Variants in MAF observed in about 807,000 individuals in gnomAD.
MAF encodes the protein MAF bZIP transcription factor.
In MAF, 10 loss-of-function variants were observed where a neutral mutation model predicts 22.0. The ratio of observed to expected loss-of-function variants is 0.45; its 90% CI spans 0.28 to 0.77. The LOEUF is 0.77. Ranked by LOEUF, MAF falls within the 30% of genes least tolerant of loss-of-function variation. MAF has a pLI of 0.12. For missense variants in MAF, 544 were observed against 548.4 expected, an observed-to-expected ratio of 0.99 and a Z score of 0.08; for synonymous variants, 337 against 255.8, an observed-to-expected ratio of 1.32 and a Z score of -3.03.
At chr16:79,265,048 A>C in the MAF span, among the ~76,000 whole-genome samples, 1 of 152,160 alleles carries the variant, frequency 6.6e-6, no homozygotes, top group African/African-American at 2.4e-5. Context: ...AACTAATTTT[A>C]AGTCAAGTAA....
At chr16:79,509,275 C>T in the MAF span, among the ~76,000 whole-genome samples, 3,265 of 152,284 alleles carry the variant, frequency 0.021, 45 homozygotes, top group Middle Eastern at 0.034. Context: ...GTGAACCATG[C>T]TGGTCTCTAA....
chr16:79,481,607 T>TCCATTCAC, the MAF span, among the ~76,000 whole-genome samples: 2 of 152,024 alleles, frequency 1.3e-5, no homozygotes, highest in South Asian at 4.1e-4. Flanking sequence ...AACCCAGGTA[T>TCCATTCAC]CCATTCACCC....
the MAF span, among the ~76,000 whole-genome samples, chr16:79,209,758 C>T: frequency 6.6e-6 from 1 of 152,210 alleles, no homozygotes; most frequent in Non-Finnish European, 1.5e-5. Context: ...TTTAGAGGCA[C>T]TTCTGCTTCC....
At chr16:79,258,659 C>T in the MAF span, among the ~76,000 whole-genome samples, 6 of 152,176 alleles carry the variant, frequency 3.9e-5, no homozygotes, top group Admixed American at 2.6e-4. Flanking sequence ...GGGCCACCTG[C>T]CCCTGAAATT....
At chr16:79,312,945 C>T in the MAF span, among the ~76,000 whole-genome samples, 1 of 152,118 alleles carries the variant, frequency 6.6e-6, no homozygotes, top group Non-Finnish European at 1.5e-5. Context: ...GCATCATCGG[C>T]CCAGTTTAGG....
the MAF span, among the ~76,000 whole-genome samples, chr16:79,332,751 C>T: frequency 6.6e-6 from 1 of 152,256 alleles, no homozygotes; most frequent in African/African-American, 2.4e-5. Context: ...GAGGCACAGT[C>T]TGACGAACAA....
the MAF span, among the ~76,000 whole-genome samples, chr16:79,338,293 AATC>A: frequency 1.6e-4 from 25 of 152,334 alleles, no homozygotes; most frequent in East Asian, 4.8e-3. Flanking sequence ...TTAGGGGCTA[AATC>A]ACAGATGACT....
the MAF span, among the ~76,000 whole-genome samples, chr16:79,498,365 A>C: frequency 7.9e-5 from 12 of 152,318 alleles, no homozygotes; most frequent in East Asian, 2.3e-3. Flanking sequence ...ATGGGCACTA[A>C]AATTTAAATT....
At chr16:79,277,131 G>C in the MAF span, among the ~76,000 whole-genome samples, 3 of 152,086 alleles carry the variant, frequency 2.0e-5, no homozygotes, top group African/African-American at 7.2e-5. Context: ...TCAAACTACT[G>C]GGTTCAAGCG....
the MAF span, among the ~76,000 whole-genome samples, chr16:79,268,349 T>C: frequency 2.0e-5 from 3 of 152,200 alleles, no homozygotes; most frequent in Non-Finnish European, 4.4e-5. Flanking sequence ...CTTTTGCTCC[T>C]GGCTGCAGGA....
At chr16:79,254,249 C>T in the MAF span, among the ~76,000 whole-genome samples, 1 of 152,076 alleles carries the variant, frequency 6.6e-6, no homozygotes, top group East Asian at 1.9e-4. Context: ...ATCATTCTCT[C>T]CCTGCCTCTT....
At chr16:79,341,715 G>A in the MAF span, among the ~76,000 whole-genome samples, 1 of 152,174 alleles carries the variant, frequency 6.6e-6, no homozygotes, top group African/African-American at 2.4e-5. Context: ...TTGGTGCACA[G>A]AGTGGATTGC....
chr16:79,582,628 G>A (rs1366882552), downstream of MAF, among the ~76,000 whole-genome samples: 2 of 152,188 alleles, frequency 1.3e-5, no homozygotes, highest in Non-Finnish European at 2.9e-5. Flanking sequence ...GGTAGTTAGG[G>A]AGGAGTATAA....
chr16:79,448,613 G>C, the MAF span, among the ~76,000 whole-genome samples: 3 of 151,910 alleles, frequency 2.0e-5, no homozygotes, highest in Non-Finnish European at 4.4e-5. Flanking sequence ...TTTTAGTAGA[G>C]ACAGGGTTTC....
chr16:79,580,659 G>C, the MAF span, among the ~76,000 whole-genome samples: 3 of 152,078 alleles, frequency 2.0e-5, no homozygotes, highest in African/African-American at 7.2e-5. Flanking sequence ...ACGGCTTAGA[G>C]AAATCCTGGC....
At chr16:79,357,620 T>C in the MAF span, among the ~76,000 whole-genome samples, 82,634 of 151,860 alleles carry the variant, frequency 0.54, 22,831 homozygotes, top group African/African-American at 0.62. Flanking sequence ...TCAGTCTCTG[T>C]CTTTGAACAT....
At chr16:79,266,094 G>A in the MAF span, among the ~76,000 whole-genome samples, 3 of 149,636 alleles carry the variant, frequency 2.0e-5, no homozygotes, top group South Asian at 2.1e-4. Context: ...GGCTGGTCTC[G>A]AACTCCTGAG....
chr16:79,598,355 T>C (rs1913697428), intron 1 of MAF: 2 of 1,114,454 alleles, frequency 1.8e-6, no homozygotes, highest in Non-Finnish European at 2.2e-6. Flanking sequence ...AGAAAAAATA[T>C]GTGAATGATG....
At chr16:79,376,828 C>G in the MAF span, among the ~76,000 whole-genome samples, 1 of 152,186 alleles carries the variant, frequency 6.6e-6, no homozygotes, top group African/African-American at 2.4e-5. Context: ...CCAGCTTCAT[C>G]CATGTTCCTA....
Sources: gnomAD v4.1 joint callset for allele counts (sites outside exome capture counted in the v4.1 genomes callset) on GRCh38, gnomAD v4.1.1 for gene constraint, MANE v1.5 for transcripts, NCBI Gene and HGNC (gene_info 2026-07-23, HGNC 2026-07-21) for gene names.